The following UBE2E2 variants were observed in gnomAD, a reference collection of about 807,000 sequenced individuals.
UBE2E2 encodes the protein ubiquitin-conjugating enzyme E2 E2.
In UBE2E2, 6 loss-of-function variants were observed where a neutral mutation model predicts 24.7. The ratio of observed to expected loss-of-function variants is 0.24; its 90% CI spans 0.13 to 0.48. The LOEUF (loss-of-function observed/expected upper bound fraction) is 0.48. Among genes scored for constraint, UBE2E2 ranks in the 20% least tolerant of loss-of-function variants. The probability of loss-of-function intolerance (pLI) is 0.99; values close to 1 mark genes in which losing one functional copy is unlikely to be tolerated. For missense variants in UBE2E2, 169 were observed against 245.0 expected (o/e 0.69, Z 2.07); for synonymous variants, 104 against 83.6 (o/e 1.24, Z -1.33).
Position 23,337,415 on chromosome 3 carries a change from A to T in UBE2E2, c.227+120103A>T, listed in dbSNP as rs534256835. On this transcript the variant is annotated intron_variant, in intron 3 of 5. Transcript: ENST00000396703. ...CCTGTGTCGAGCACTGGGATGTAACAGTGTGCAATACAAAGTCCTTGTCCT... is the reference window on the plus strand; with the variant it reads ...CCTGTGTCGAGCACTGGGATGTAACTGTGTGCAATACAAAGTCCTTGTCCT... Among the ~76,000 whole-genome samples, 5 of 152,272 alleles carry T rather than the reference A, an allele frequency of 3.3e-5. No individual in the cohort carries two copies. In the South Asian group the frequency reaches 1.0e-3, roughly 32 times the overall value.
chr3:23,243,273 T>C (rs1697304338), intron 3 of UBE2E2, among the ~76,000 whole-genome samples: 1 of 152,196 alleles, frequency 6.6e-6, no homozygotes, highest in South Asian at 2.1e-4. Context: ...CAAACAATAC[T>C]ACTACTAATA....
chr3:23,383,580 C>T (rs12634459), intron 3 of UBE2E2, among the ~76,000 whole-genome samples: 43,748 of 151,686 alleles, frequency 0.29, 6,525 homozygotes, highest in East Asian at 0.36. Flanking sequence ...TGGCATCTGT[C>T]GGCCACTCTG....
At chr3:23,561,559 T>C (rs201796256) in intron 5 of UBE2E2, among the ~76,000 whole-genome samples, 43,129 of 150,934 alleles carry the variant, frequency 0.29, 6,517 homozygotes, top group East Asian at 0.49. Context: ...ATGCGGGCTC[T>C]TTTTTGGTTC....
chr3:23,227,323 A>G (rs907920078), intron 3 of UBE2E2, among the ~76,000 whole-genome samples: 2 of 152,062 alleles, frequency 1.3e-5, no homozygotes. Context: ...CCATATCTTC[A>G]TTTGTACTTT....
At chr3:23,427,721 G>T (rs536137181) in intron 3 of UBE2E2, among the ~76,000 whole-genome samples, 1 of 152,244 alleles carries the variant, frequency 6.6e-6, no homozygotes, top group African/African-American at 2.4e-5. Context: ...AGTTACTGGG[G>T]AAAGATATAC....
chr3:23,526,079 T>A (rs1694990960), intron 4 of UBE2E2, among the ~76,000 whole-genome samples: 2 of 152,166 alleles, frequency 1.3e-5, no homozygotes, highest in African/African-American at 4.8e-5. Flanking sequence ...ATTAGCGAGT[T>A]TTTACCTTGA....
intron 3 of UBE2E2, among the ~76,000 whole-genome samples, chr3:23,403,885 A>G (rs1047512961): frequency 4.0e-5 from 6 of 151,664 alleles, no homozygotes; most frequent in Non-Finnish European, 5.9e-5. Context: ...AGTACTTTCT[A>G]CTTCAATCCA....
chr3:23,454,400 G>A (rs1281237724), intron 3 of UBE2E2, among the ~76,000 whole-genome samples: 1 of 152,188 alleles, frequency 6.6e-6, no homozygotes, highest in Non-Finnish European at 1.5e-5. Context: ...AAAGCTGAGA[G>A]TTGGGTAAGA....
Position 23,495,082 on chromosome 3 carries a change from G to C in UBE2E2, c.228-4526G>C, listed in dbSNP as rs527248628. ...GTTTTATGTGCATTTTAAAATACCA[G>C]TCTGTTTTCAAGATAATTTGTTGCT... On this transcript the variant is annotated intron_variant, in intron 3 of 5. Coordinates refer to ENST00000396703, the MANE Select transcript of UBE2E2 (RefSeq NM_152653.4). Among the ~76,000 whole-genome samples, 196 of 152,260 alleles carry C rather than the reference G, an allele frequency of 1.3e-3. 1 individual carries two copies. Among genetic ancestry groups the C allele is most frequent in the African/African-American group, 4.5e-3 (188 of 41,554 alleles).
At chr3:23,462,065 C>T (rs1559390993) in intron 3 of UBE2E2, among the ~76,000 whole-genome samples, 1 of 152,052 alleles carries the variant, frequency 6.6e-6, no homozygotes, top group South Asian at 2.1e-4. Context: ...TAGCATATTT[C>T]TCATTTTTAA....
intron 3 of UBE2E2, among the ~76,000 whole-genome samples, chr3:23,342,477 C>T (rs989238899): frequency 1.3e-5 from 2 of 152,124 alleles, no homozygotes; most frequent in East Asian, 1.9e-4. Flanking sequence ...TGTTCTCTTC[C>T]GTGCTTATAA....
intron 3 of UBE2E2, among the ~76,000 whole-genome samples, chr3:23,400,000 A>G (rs373276331): frequency 6.6e-6 from 1 of 152,144 alleles, no homozygotes; most frequent in African/African-American, 2.4e-5. Flanking sequence ...GAACATTACA[A>G]TACTTTAGAG....
At chr3:23,344,859 T>A (rs1216380300) in intron 3 of UBE2E2, among the ~76,000 whole-genome samples, 2 of 151,640 alleles carry the variant, frequency 1.3e-5, no homozygotes, top group African/African-American at 4.9e-5. Context: ...ACTTAGCACA[T>A]AAGTGATCAT....
At chr3:23,554,856 T>A (rs1030234152) in intron 5 of UBE2E2, among the ~76,000 whole-genome samples, 1 of 151,434 alleles carries the variant, frequency 6.6e-6, no homozygotes, top group African/African-American at 2.4e-5. Context: ...AATTTATTTT[T>A]AAAAAAACTC....
chr3:23,406,803 G>A (rs943381922), intron 3 of UBE2E2, among the ~76,000 whole-genome samples: 2 of 152,166 alleles, frequency 1.3e-5, no homozygotes, highest in Non-Finnish European at 2.9e-5. Context: ...ATATCCAGCC[G>A]TGTTGGAGAA....
chr3:23,480,188 A>G (rs1473471631), intron 3 of UBE2E2, among the ~76,000 whole-genome samples: 3 of 152,202 alleles, frequency 2.0e-5, no homozygotes, highest in Non-Finnish European at 4.4e-5. Context: ...GTAGGTGTCT[A>G]AAGTCTGGAA....
intron 4 of UBE2E2, among the ~76,000 whole-genome samples, chr3:23,518,055 C>T (rs114602534): frequency 0.014 from 2,152 of 151,990 alleles, 52 homozygotes; most frequent in African/African-American, 0.049. Context: ...TTGTTTCTAT[C>T]AGATACATTT....
intron 3 of UBE2E2, among the ~76,000 whole-genome samples, chr3:23,260,342 G>T (rs972938895): frequency 6.6e-6 from 1 of 152,130 alleles, no homozygotes; most frequent in African/African-American, 2.4e-5. Context: ...AGTCTGCCAA[G>T]AATGTTTCAT....
intron 2 of UBE2E2, among the ~76,000 whole-genome samples, chr3:23,216,519 A>T (rs1044686615): frequency 6.6e-6 from 1 of 152,158 alleles, no homozygotes; most frequent in African/African-American, 2.4e-5. Context: ...TGATTTAACA[A>T]AGCCTACATT....
Sources: gnomAD v4.1 joint callset for allele counts (sites outside exome capture counted in the v4.1 genomes callset) on GRCh38, gnomAD v4.1.1 for gene constraint, MANE v1.5 for transcripts, NCBI Gene and HGNC (gene_info 2026-07-23, HGNC 2026-07-21) for gene names.